The following ERBB4 variants were observed in gnomAD, a reference collection of about 807,000 sequenced individuals.
ERBB4 encodes erb-b2 receptor tyrosine kinase 4, also known as receptor tyrosine-protein kinase erbB-4.
A neutral mutation model predicts 158.0 loss-of-function variants in ERBB4; 42 were observed. The ratio of observed to expected loss-of-function variants is 0.27; its 90% confidence interval spans 0.21 to 0.34. ERBB4 has a LOEUF of 0.34. Ranked by LOEUF, ERBB4 falls within the 10% of genes least tolerant of loss-of-function variation. The pLI, the probability that ERBB4 is intolerant of heterozygous loss-of-function variation, is 1.00. For missense variants in ERBB4, 1,333 were observed against 1,624.1 expected (o/e 0.82, Z 3.08); for synonymous variants, 583 against 558.7 (o/e 1.04, Z -0.61).
intron 2 of ERBB4, among the ~76,000 whole-genome samples, chr2:212,041,429 A>G (rs951516962): frequency 6.6e-6 from 1 of 152,116 alleles, no homozygotes; most frequent in Non-Finnish European, 1.5e-5. Context: ...AGGTGTGTTA[A>G]AGAATAATTA....
intron 20 of ERBB4, among the ~76,000 whole-genome samples, chr2:211,530,274 C>T (rs923207283): frequency 4.0e-5 from 6 of 151,896 alleles, no homozygotes; most frequent in Non-Finnish European, 8.8e-5. Context: ...AATAAAATAC[C>T]TTGGGATTAA....
intron 20 of ERBB4, among the ~76,000 whole-genome samples, chr2:211,527,148 A>G (rs1235109501): frequency 6.6e-6 from 1 of 152,128 alleles, no homozygotes; most frequent in East Asian, 1.9e-4. Context: ...AAGGCATTTG[A>G]TAATCAAACT....
chr2:211,513,723 CCT>C (rs980847575), intron 20 of ERBB4, among the ~76,000 whole-genome samples: 5 of 152,062 alleles, frequency 3.3e-5, no homozygotes, highest in African/African-American at 4.8e-5. Context: ...GCCCCCAACC[CCT>C]GTCTACGCTT....
intron 19 of ERBB4, among the ~76,000 whole-genome samples, chr2:211,597,707 A>C (rs1267820136): frequency 2.6e-5 from 4 of 152,178 alleles, no homozygotes; most frequent in Non-Finnish European, 5.9e-5. Context: ...CTAAATTATT[A>C]AAATGGTAAA....
intron 3 of ERBB4, among the ~76,000 whole-genome samples, chr2:211,886,215 T>C (rs895991076): frequency 6.6e-6 from 1 of 152,210 alleles, no homozygotes; most frequent in African/African-American, 2.4e-5. Flanking sequence ...TATTAACCTT[T>C]AGTCAGATTT....
chr2:211,453,245 A>G (rs928746137), intron 20 of ERBB4, among the ~76,000 whole-genome samples: 1 of 152,240 alleles, frequency 6.6e-6, no homozygotes, highest in African/African-American at 2.4e-5. Flanking sequence ...TAAGAGTGCA[A>G]TTAAATTCAT....
intron 1 of ERBB4, among the ~76,000 whole-genome samples, chr2:212,479,523 G>A (rs914221879): frequency 1.3e-5 from 2 of 152,136 alleles, no homozygotes; most frequent in African/African-American, 4.8e-5. Flanking sequence ...CACTACGCTT[G>A]AAAGTCATTA....
intron 2 of ERBB4, among the ~76,000 whole-genome samples, chr2:211,966,835 C>T (rs1175751377): frequency 1.3e-5 from 2 of 151,920 alleles, no homozygotes. Flanking sequence ...CAAATGAATG[C>T]CCATGGAGAT....
intron 1 of ERBB4, among the ~76,000 whole-genome samples, chr2:212,442,516 G>A (rs1371147758): frequency 2.6e-5 from 4 of 152,240 alleles, no homozygotes; most frequent in African/African-American, 7.2e-5. Flanking sequence ...CTGAACTGAC[G>A]TTGATTCCAG....
In ERBB4 at chr2:212,446,245, A is replaced by C. The variant is rs187791521; in HGVS notation, c.82+92204T>G. Reference sequence around the variant, plus strand: ...TCAACTTGATTGGATTGAAGGATACAAAGTGTTGATCTAGGGTGTGTCTGT... The same window carrying C: ...TCAACTTGATTGGATTGAAGGATACCAAGTGTTGATCTAGGGTGTGTCTGT... On this transcript the variant is annotated intron_variant, in intron 1 of 27. Transcript: ENST00000342788. Among the ~76,000 whole-genome samples, 213 of 152,076 alleles carry C rather than the reference A, an allele frequency of 1.4e-3. 2 individuals are homozygous for C. In the Middle Eastern group the frequency reaches 0.024, roughly 17 times the overall value.
intron 1 of ERBB4, among the ~76,000 whole-genome samples, chr2:212,387,574 C>A (rs200409850): frequency 1.5e-4 from 23 of 151,772 alleles, no homozygotes; most frequent in African/African-American, 5.6e-4. Context: ...CACACCACCA[C>A]GCCCAGCTAA....
At chr2:211,735,937 G>C (rs551269544) in intron 5 of ERBB4, among the ~76,000 whole-genome samples, 1 of 151,962 alleles carries the variant, frequency 6.6e-6, no homozygotes, top group Admixed American at 6.6e-5. Flanking sequence ...AGGATCTCTT[G>C]AGCCCAGGCA....
intron 4 of ERBB4, chr2:211,779,372 T>C (rs1215272114): frequency 6.6e-6 from 1 of 152,196 alleles, no homozygotes; most frequent in Non-Finnish European, 1.5e-5. Flanking sequence ...CTATGTCCTA[T>C]CAATAGGAGC....
chr2:212,373,950 T>TG (rs1553627741), intron 1 of ERBB4, among the ~76,000 whole-genome samples: 3 of 64,608 alleles, frequency 4.6e-5, no homozygotes, highest in East Asian at 5.2e-4. Context: ...CATATATATA[T>TG]CATATATATA....
At chr2:212,204,265 C>A (rs2082670752) in intron 1 of ERBB4, among the ~76,000 whole-genome samples, 1 of 152,110 alleles carries the variant, frequency 6.6e-6, no homozygotes. Flanking sequence ...TTCAATGAGG[C>A]AAAAGACTCT....
intron 20 of ERBB4, among the ~76,000 whole-genome samples, chr2:211,495,256 A>AT (rs1183665509): frequency 6.6e-6 from 1 of 152,108 alleles, no homozygotes; most frequent in East Asian, 1.9e-4. Context: ...ATATTTTTAG[A>AT]TTAAGTGTTT....
intron 1 of ERBB4, among the ~76,000 whole-genome samples, chr2:212,342,665 C>A (rs2088778745): frequency 6.6e-6 from 1 of 152,016 alleles, no homozygotes; most frequent in African/African-American, 2.4e-5. Flanking sequence ...AGTAATGCAC[C>A]AACAGTAATT....
chr2:212,227,409 G>A (rs989954760), intron 1 of ERBB4, among the ~76,000 whole-genome samples: 1 of 152,022 alleles, frequency 6.6e-6, no homozygotes, highest in Non-Finnish European at 1.5e-5. Flanking sequence ...TCAGAAAAGG[G>A]GATATATGAC....
intron 13 of ERBB4, among the ~76,000 whole-genome samples, chr2:211,677,847 C>G (rs1031403166): frequency 6.6e-6 from 1 of 151,970 alleles, no homozygotes; most frequent in Non-Finnish European, 1.5e-5. Flanking sequence ...GCGCTCTAGC[C>G]AGGCAACAGA....
Sources: gnomAD v4.1 joint callset for allele counts (sites outside exome capture counted in the v4.1 genomes callset) on GRCh38, gnomAD v4.1.1 for gene constraint, MANE v1.5 for transcripts, NCBI Gene and HGNC (gene_info 2026-07-23, HGNC 2026-07-21) for gene names.